Variants in BNC2 observed in about 807,000 individuals in gnomAD.
BNC2 encodes the protein zinc finger protein basonuclin-2.
A neutral mutation model predicts 76.3 loss-of-function variants in BNC2; 20 were observed. The observed-to-expected ratio is 0.26, with a 90% CI of 0.18 to 0.38. The LOEUF is 0.38. BNC2 is among the 10% of genes least tolerant of loss of function. BNC2 has a pLI of 1.00. For synonymous variants in BNC2, 582 were observed against 514.8 expected, an observed-to-expected ratio of 1.13 and a Z score of -1.77; for missense variants, 1,382 against 1,399.8, an observed-to-expected ratio of 0.99 and a Z score of 0.20.
intron 1 of BNC2, among the ~76,000 whole-genome samples, chr9:16,752,408 T>C (rs1459916271): frequency 9.1e-6 from 1 of 109,468 alleles, no homozygotes; most frequent in African/African-American, 3.2e-5. Context: ...TTAAAACAAC[T>C]GATCAATGAA....
At chr9:16,841,855 G>C (rs1818836771) in intron 1 of BNC2, among the ~76,000 whole-genome samples, 1 of 149,302 alleles carries the variant, frequency 6.7e-6, no homozygotes, top group Non-Finnish European at 1.5e-5. Context: ...TGTTGCCCAG[G>C]CTGGAGTGCA....
intron 3 of BNC2, among the ~76,000 whole-genome samples, chr9:16,712,869 C>A (rs1823888893): frequency 6.6e-6 from 1 of 152,180 alleles, no homozygotes; most frequent in African/African-American, 2.4e-5. Flanking sequence ...TTAGGGTGAC[C>A]TTTGCAATGC....
intron 1 of BNC2, among the ~76,000 whole-genome samples, chr9:16,748,919 A>G (rs1443165370): frequency 2.1e-4 from 4 of 18,982 alleles, no homozygotes; most frequent in African/African-American, 9.5e-4. Context: ...TTCACTTTTT[A>G]TACTATATAT....
chr9:16,781,951 T>G (rs1826165323), intron 1 of BNC2, among the ~76,000 whole-genome samples: 1 of 152,156 alleles, frequency 6.6e-6, no homozygotes, highest in South Asian at 2.1e-4. Flanking sequence ...AAATGACAAG[T>G]AAGATTATCT....
intron 4 of BNC2, among the ~76,000 whole-genome samples, chr9:16,581,183 G>T (rs536290772): frequency 6.6e-6 from 1 of 152,324 alleles, no homozygotes; most frequent in Non-Finnish European, 1.5e-5. Context: ...ATTTAAAGAG[G>T]TGATTAAGTT....
intron 1 of BNC2, among the ~76,000 whole-genome samples, chr9:16,742,232 T>C (rs998998201): frequency 6.6e-6 from 1 of 152,256 alleles, no homozygotes; most frequent in Non-Finnish European, 1.5e-5. Flanking sequence ...TACTTTATGC[T>C]ATGTCACCTA....
Position 16,418,185 on chromosome 9 carries a change from T to G in BNC2, c.*804A>C, listed in dbSNP as rs1051197517. 1.3e-5 allele frequency: 2 copies of G among 152,664 alleles called. No homozygotes were observed. The highest frequency in any genetic ancestry group is 4.8e-5 in the African/African-American group (2 of 41,464). The allele number at this position is 152,664 out of a possible 1,614,324, so 9.5% of individuals were successfully genotyped here. A position where few individuals can be genotyped will look rare whatever the true frequency, so the allele number is the denominator to read the frequency against. On this transcript the variant is annotated 3_prime_UTR_variant, in exon 7 of 7. Transcript: ENST00000380672. ...TATGAAAAAAAGTGCATGACGGGATTTATGTACTAGTACAGGACATTTTAA... is the reference window on the plus strand; with the variant it reads ...TATGAAAAAAAGTGCATGACGGGATGTATGTACTAGTACAGGACATTTTAA...
intron 1 of BNC2, among the ~76,000 whole-genome samples, chr9:16,742,172 A>G (rs1299840037): frequency 6.6e-6 from 1 of 152,236 alleles, no homozygotes; most frequent in Non-Finnish European, 1.5e-5. Flanking sequence ...TCTAATGTCT[A>G]TGAATTTATT....
chr9:16,767,057 T>C lies in BNC2; in HGVS notation c.4-28572A>G, dbSNP rs955612381. 9.2e-5 allele frequency among the ~76,000 whole-genome samples: 14 copies of C among 152,244 alleles called. 1 individual carries two copies. The highest frequency in any genetic ancestry group is 8.5e-4 in the Admixed American group (13 of 15,292). ...TATCTGGCTACCTTACATGGCATAGTCTACCTAAGCATCTCTGAACATTAT... is the reference window on the plus strand; with the variant it reads ...TATCTGGCTACCTTACATGGCATAGCCTACCTAAGCATCTCTGAACATTAT... On this transcript the variant is annotated intron_variant, in intron 1 of 6. Transcript: ENST00000380672.
intron 5 of BNC2, among the ~76,000 whole-genome samples, chr9:16,524,507 G>GT (rs548531430): frequency 2.0e-3 from 309 of 151,972 alleles, no homozygotes; most frequent in African/African-American, 7.0e-3. Flanking sequence ...TTTTTGGGGG[G>GT]TGATTTCTTA....
At chr9:16,447,202 C>A (rs200920770) in intron 5 of BNC2, among the ~76,000 whole-genome samples, 2 of 152,072 alleles carry the variant, frequency 1.3e-5, no homozygotes, top group Non-Finnish European at 2.9e-5. Flanking sequence ...AATCAAATTA[C>A]CTATGAGTCC....
chr9:16,822,020 A>G (rs1441554826), intron 1 of BNC2, among the ~76,000 whole-genome samples: 3 of 150,674 alleles, frequency 2.0e-5, no homozygotes, highest in African/African-American at 7.3e-5. Flanking sequence ...ATGAACCCGG[A>G]AAGCGGAGCC....
intron 3 of BNC2, among the ~76,000 whole-genome samples, chr9:16,588,862 T>C (rs1379511003): frequency 5.3e-5 from 8 of 152,290 alleles, no homozygotes; most frequent in South Asian, 4.1e-4. Flanking sequence ...AAAGCACAAA[T>C]TGTTGTTTCA....
At chr9:16,672,816 G>A (rs941523068) in intron 3 of BNC2, among the ~76,000 whole-genome samples, 3 of 152,212 alleles carry the variant, frequency 2.0e-5, no homozygotes, top group African/African-American at 7.2e-5. Context: ...ACACCATGGA[G>A]TAGTGAAGCA....
At chr9:16,572,849 C>G (rs1819365051) in intron 4 of BNC2, among the ~76,000 whole-genome samples, 1 of 152,138 alleles carries the variant, frequency 6.6e-6, no homozygotes, top group South Asian at 2.1e-4. Context: ...TCTAACTACT[C>G]TGCCACCAAA....
chr9:16,436,553 G>A lies in BNC2; in HGVS notation c.1641C>T (p.Asp547=), dbSNP rs1214221139. 2.5e-6 allele frequency: 4 copies of A among 1,614,136 alleles called. No individual in the cohort carries two copies. Among genetic ancestry groups the A allele is most frequent in the Admixed American group, 3.3e-5 (2 of 60,010 alleles). The change falls in exon 6 of 7, where the codon GAC becomes GAT. Residue 547 remains aspartate (D), a synonymous_variant. Transcript: ENST00000380672. ...PPMGFTTPPL[D]PVLQNPLPSQ... ...TAGGGAGAGGATTTTGCAAGACAGGGTCTAGAGGGGGAGTGGTAAAACCCA... is the reference window on the plus strand; with the variant it reads ...TAGGGAGAGGATTTTGCAAGACAGGATCTAGAGGGGGAGTGGTAAAACCCA...
At chr9:16,530,217 A>G (rs569008204) in intron 5 of BNC2, among the ~76,000 whole-genome samples, 81 of 152,148 alleles carry the variant, frequency 5.3e-4, no homozygotes, top group African/African-American at 2.0e-3. Flanking sequence ...CACAGGCATG[A>G]ACTACTGAAG....
chr9:16,415,836 G>C lies in BNC2; in HGVS notation c.*3153C>G, dbSNP rs1215860834. 1 of 152,146 alleles carries C rather than the reference G, an allele frequency of 6.6e-6. No individual in the cohort carries two copies. Among genetic ancestry groups the C allele is most frequent in the African/African-American group, 2.4e-5 (1 of 41,416 alleles). The allele number at this position is 152,146 out of a possible 1,614,324, so 9.4% of individuals were successfully genotyped here. A position where few individuals can be genotyped will look rare whatever the true frequency, so the allele number is the denominator to read the frequency against. Reference sequence around the variant, plus strand: ...GAAAATGTTATTTACTCATTTAGAAGGCCACCGTAACGACTGGGCACTTGA... The same window carrying C: ...GAAAATGTTATTTACTCATTTAGAACGCCACCGTAACGACTGGGCACTTGA... On this transcript the variant is annotated 3_prime_UTR_variant, in exon 7 of 7. Coordinates refer to ENST00000380672, the MANE Select transcript of BNC2 (RefSeq NM_017637.6).
chr9:16,499,790 C>T (rs1330732099), intron 5 of BNC2, among the ~76,000 whole-genome samples: 1 of 151,980 alleles, frequency 6.6e-6, no homozygotes, highest in Non-Finnish European at 1.5e-5. Context: ...CTCAGCCTCC[C>T]AAAGTGCTGG....
Sources: gnomAD v4.1 joint callset for allele counts (sites outside exome capture counted in the v4.1 genomes callset) on GRCh38, gnomAD v4.1.1 for gene constraint, MANE v1.5 for transcripts, NCBI Gene and HGNC (gene_info 2026-07-23, HGNC 2026-07-21) for gene names.